CADM2: variants seen among roughly 807,000 people sequenced by gnomAD.
CADM2 encodes immunoglobulin superfamily member 4D.
In CADM2, 12 loss-of-function variants were observed where a neutral mutation model predicts 49.8. That is an observed-to-expected ratio of 0.24 (90% CI 0.15 to 0.39). The LOEUF is 0.39. Among genes scored for constraint, CADM2 ranks in the 10% least tolerant of loss-of-function variants. The pLI is 1.00. For missense variants in CADM2, 378 were observed against 492.3 expected (o/e 0.77, Z 2.20); for synonymous variants, 214 against 175.4 (o/e 1.22, Z -1.74).
At chr3:85,835,399 C>T (rs1324185776) in intron 3 of CADM2, among the ~76,000 whole-genome samples, 1 of 150,178 alleles carries the variant, frequency 6.7e-6, no homozygotes, top group African/African-American at 2.4e-5. Context: ...CAAAGAATGC[C>T]TAGAAGTCAA....
chr3:84,959,682 C>G lies in CADM2; in HGVS notation c.61+14C>G, dbSNP rs2030258408. Reference sequence around the variant, plus strand: ...TCCTGCTACAAGGTAATCCCCGCCCCGGCGCAGGGAACATCAACTTCTCGC... The same window carrying G: ...TCCTGCTACAAGGTAATCCCCGCCCGGGCGCAGGGAACATCAACTTCTCGC... On this transcript the variant is annotated intron_variant, in intron 1 of 9. Coordinates refer to ENST00000383699, the MANE Select transcript of CADM2 (RefSeq NM_001167675.2). The G allele has an allele frequency of 2.0e-6, 3 of 1,536,474 alleles. No homozygotes were observed. Among genetic ancestry groups the G allele is most frequent in the Non-Finnish European group, 2.6e-6 (3 of 1,146,244 alleles).
intron 1 of CADM2, among the ~76,000 whole-genome samples, chr3:85,675,553 C>G (rs186944427): frequency 6.6e-6 from 1 of 152,266 alleles, no homozygotes; most frequent in African/African-American, 2.4e-5. Context: ...CTTCTGTTCT[C>G]ATGCACAAGC....
At chr3:85,804,151 C>G (rs1385960910) in intron 3 of CADM2, among the ~76,000 whole-genome samples, 1 of 151,902 alleles carries the variant, frequency 6.6e-6, no homozygotes, top group East Asian at 1.9e-4. Context: ...AAAGTGTATG[C>G]TCAAATATAA....
intron 3 of CADM2, among the ~76,000 whole-genome samples, chr3:85,874,968 T>G (rs1419791559): frequency 6.6e-6 from 1 of 152,200 alleles, no homozygotes; most frequent in Non-Finnish European, 1.5e-5. Flanking sequence ...ATTCTATTAC[T>G]GAAAAACTGT....
chr3:85,018,502 C>T (rs904986603), intron 1 of CADM2, among the ~76,000 whole-genome samples: 1 of 152,086 alleles, frequency 6.6e-6, no homozygotes, highest in Non-Finnish European at 1.5e-5. Context: ...CTCAGGCGCC[C>T]GCCACCATGC....
At chr3:86,055,411 T>C (rs955542696) in intron 8 of CADM2, among the ~76,000 whole-genome samples, 3 of 150,828 alleles carry the variant, frequency 2.0e-5, no homozygotes, top group Non-Finnish European at 4.4e-5. Flanking sequence ...TGTACTCACA[T>C]GGTGAAAAGG....
At chr3:85,572,164 G>A (rs2062498389) in intron 1 of CADM2, among the ~76,000 whole-genome samples, 1 of 152,150 alleles carries the variant, frequency 6.6e-6, no homozygotes, top group Non-Finnish European at 1.5e-5. Flanking sequence ...GGGCATGGTG[G>A]CGGATGCCTG....
chr3:85,114,511 C>T (rs2038572227), intron 1 of CADM2, among the ~76,000 whole-genome samples: 1 of 152,214 alleles, frequency 6.6e-6, no homozygotes, highest in South Asian at 2.1e-4. Flanking sequence ...CAGTAATTAA[C>T]ATGCCCAGAC....
chr3:85,109,841 T>G (rs545131972), intron 1 of CADM2, among the ~76,000 whole-genome samples: 7 of 152,150 alleles, frequency 4.6e-5, no homozygotes, highest in Admixed American at 1.3e-4. Flanking sequence ...TTTGTTTACA[T>G]ACAGCGTTGG....
intron 8 of CADM2, among the ~76,000 whole-genome samples, chr3:86,050,836 C>T (rs73136130): frequency 0.048 from 7,348 of 152,186 alleles, 389 homozygotes; most frequent in African/African-American, 0.14. Context: ...GGACCTGGCC[C>T]AGAGACCTAG....
At chr3:85,766,165 G>A (rs528939256) in intron 2 of CADM2, among the ~76,000 whole-genome samples, 1 of 152,170 alleles carries the variant, frequency 6.6e-6, no homozygotes, top group East Asian at 1.9e-4. Flanking sequence ...TATTAATTGT[G>A]TCTATTTTAC....
intron 8 of CADM2, chr3:86,015,165 G>A (rs1732054867): frequency 4.2e-6 from 2 of 476,030 alleles, no homozygotes; most frequent in African/African-American, 2.0e-5. Context: ...ATATTTTAAA[G>A]AAAAGCCATA....
chr3:85,315,519 A>T (rs1271676413), intron 1 of CADM2, among the ~76,000 whole-genome samples: 6 of 152,304 alleles, frequency 3.9e-5, no homozygotes, highest in Admixed American at 2.0e-4. Context: ...AACTGGTAAT[A>T]GTTAGAGTGT....
intron 1 of CADM2, among the ~76,000 whole-genome samples, chr3:85,272,529 T>TA (rs1371115261): frequency 2.6e-5 from 4 of 151,410 alleles, no homozygotes; most frequent in African/African-American, 9.6e-5. Context: ...CTGGAGAAAA[T>TA]AATAGAAGAA....
intron 1 of CADM2, among the ~76,000 whole-genome samples, chr3:85,413,622 G>A (rs1409974143): frequency 1.3e-5 from 2 of 152,120 alleles, no homozygotes; most frequent in South Asian, 2.1e-4. Flanking sequence ...GAAAGAGAGG[G>A]CGGCAGGGAG....
At chr3:85,096,111 T>C (rs967799709) in intron 1 of CADM2, among the ~76,000 whole-genome samples, 1 of 152,132 alleles carries the variant, frequency 6.6e-6, no homozygotes, top group African/African-American at 2.4e-5. Context: ...TTTAAATATG[T>C]CTAGATATTT....
At chr3:86,050,103 T>C (rs1737167736) in intron 8 of CADM2, among the ~76,000 whole-genome samples, 1 of 152,152 alleles carries the variant, frequency 6.6e-6, no homozygotes, top group African/African-American at 2.4e-5. Context: ...AACAAGTTTG[T>C]TACTCTCAAG....
chr3:85,441,471 C>T, intron 1 of CADM2, among the ~76,000 whole-genome samples: 1 of 152,144 alleles, frequency 6.6e-6, no homozygotes, highest in Middle Eastern at 3.4e-3. Context: ...TTTTATATTA[C>T]AGAGAGTCAT....
intron 1 of CADM2, among the ~76,000 whole-genome samples, chr3:85,706,649 G>T (rs950205414): frequency 6.6e-6 from 1 of 152,114 alleles, no homozygotes; most frequent in East Asian, 1.9e-4. Flanking sequence ...ACTGATGACA[G>T]CTCTAACTGA....
Sources: gnomAD v4.1 joint callset for allele counts (sites outside exome capture counted in the v4.1 genomes callset) on GRCh38, gnomAD v4.1.1 for gene constraint, MANE v1.5 for transcripts, NCBI Gene and HGNC (gene_info 2026-07-23, HGNC 2026-07-21) for gene names.